The following CD300A variants were observed in gnomAD, a reference collection of about 807,000 sequenced individuals.
The protein encoded by CD300A is CD300a molecule, also known as CMRF35-like molecule 8.
A neutral mutation model predicts 33.6 loss-of-function variants in CD300A; 22 were observed. The ratio of observed to expected loss-of-function variants is 0.66; its 90% CI spans 0.47 to 0.94. The LOEUF (loss-of-function observed/expected upper bound fraction) is 0.94. Ranked by LOEUF, CD300A falls within the 40% of genes least tolerant of loss-of-function variation. The pLI is 0.00. For synonymous variants in CD300A, 136 were observed against 148.1 expected, an observed-to-expected ratio of 0.92 and a Z score of 0.59; for missense variants, 326 against 360.5, an observed-to-expected ratio of 0.90 and a Z score of 0.77.
intron 1 of CD300A, 151 bp from the exon 2 acceptor site, chr17:74,473,385 C>G: frequency 1.4e-6 from 1 of 703,206 alleles, no homozygotes; most frequent in South Asian, 1.8e-5. Context: ...GAGGTAGCCT[C>G]TCATCCTCAG....
intron 2 of CD300A, 39 bp from the exon 3 acceptor site, chr17:74,474,492 AG>A: frequency 3.1e-6 from 5 of 1,604,728 alleles, no homozygotes; most frequent in Non-Finnish European, 4.3e-6. Flanking sequence ...GGAGAGCCAG[AG>A]GACAGCTCCC....
intron 1 of CD300A, among the ~76,000 whole-genome samples, chr17:74,472,426 C>T (rs533458379): frequency 6.6e-6 from 1 of 152,264 alleles, no homozygotes; most frequent in Admixed American, 6.5e-5. Flanking sequence ...GCTTGGCAGC[C>T]AACACTAGCT....
intron 2 of CD300A, 21 bp from the exon 3 acceptor site, chr17:74,474,511 G>T: frequency 6.2e-7 from 1 of 1,613,116 alleles, no homozygotes; most frequent in South Asian, 1.1e-5. Flanking sequence ...CCCTGGGTCT[G>T]ACTTGTGGTT....
Position 74,480,530 on chromosome 17 carries a change from C to A in CD300A, c.629-759C>A, listed in dbSNP as rs923708549. On this transcript the variant is annotated intron_variant, in intron 4 of 6. Transcript: ENST00000360141. This position sits in a 1 kb window ranked among gnomAD's most constrained non-coding sequence, Gnocchi z 4.2. ...AGGCCTCCTTCCCTACGGCCTGGGG[C>A]AGCAGGCAGGTGGGCTGTCTGGGAG... Among the ~76,000 whole-genome samples the A allele has an allele frequency of 6.6e-6, 1 of 152,208 alleles. No individual in the cohort carries two copies. Among genetic ancestry groups the A allele is most frequent in the African/African-American group, 2.4e-5 (1 of 41,456 alleles).
chr17:74,469,495 CTTCT>C (rs1391285680), intron 1 of CD300A, among the ~76,000 whole-genome samples: 1 of 152,094 alleles, frequency 6.6e-6, no homozygotes, highest in Non-Finnish European at 1.5e-5. Context: ...ATATCTGCGT[CTTCT>C]TTATTTTTGG....
chr17:74,481,872 G>C, intron 6 of CD300A, 39 bp downstream of exon 6: 1 of 1,507,486 alleles, frequency 6.6e-7, no homozygotes, highest in Non-Finnish European at 9.1e-7. Flanking sequence ...TGCGGCCCCT[G>C]GGCTGTGCCA....
At chr17:74,466,970 C>T in intron 1 of CD300A, 1 of 1,409,340 alleles carries the variant, frequency 7.1e-7, no homozygotes, top group Non-Finnish European at 9.2e-7. Flanking sequence ...CTTGGCTGAA[C>T]CACAGCGGGG....
chr17:74,479,804 G>C lies in CD300A; in HGVS notation c.629-1485G>C, dbSNP rs572700835. 2.6e-5 allele frequency among the ~76,000 whole-genome samples: 4 copies of C among 151,914 alleles called. No individual in the cohort carries two copies. In the South Asian group the frequency reaches 8.3e-4, roughly 32 times the overall value. On this transcript the variant is annotated intron_variant, in intron 4 of 6. Transcript: ENST00000360141. ...GCTGGGGCTGACTTCCCCTTGCCCT[G>C]CCTGGAGCCTGACACCTGCCTCATC...
chr17:74,480,375 C>T lies in CD300A; in HGVS notation c.629-914C>T, dbSNP rs1348199422. Among the ~76,000 whole-genome samples, 1 of 152,166 alleles carries T rather than the reference C, an allele frequency of 6.6e-6. No individual in the cohort carries two copies. The highest frequency in any genetic ancestry group is 1.5e-5 in the Non-Finnish European group (1 of 68,016). Reference sequence around the variant, plus strand: ...CAGCAGCGTGTGTGTCACCCGCTGCCCACGTGGTCCGGGCTCCTGGGGTGA... The same window carrying T: ...CAGCAGCGTGTGTGTCACCCGCTGCTCACGTGGTCCGGGCTCCTGGGGTGA... On this transcript the variant is annotated intron_variant, in intron 4 of 6. Coordinates refer to ENST00000360141, the MANE Select transcript of CD300A (RefSeq NM_007261.4). This position sits in a 1 kb window ranked among gnomAD's most constrained non-coding sequence, Gnocchi z 4.2.
At chr17:74,470,578 G>A (rs544605723) in intron 1 of CD300A, among the ~76,000 whole-genome samples, 13 of 152,154 alleles carry the variant, frequency 8.5e-5, no homozygotes, top group Non-Finnish European at 1.2e-4. Flanking sequence ...CAGCCCAGGA[G>A]AGGCAGGGAA....
At chr17:74,466,788 G>A in intron 1 of CD300A, 45 bp downstream of exon 1, 1 of 1,564,678 alleles carries the variant, frequency 6.4e-7, no homozygotes, top group Non-Finnish European at 8.7e-7. Flanking sequence ...GGGAGGGAGG[G>A]TGCGAGGGGC....
At chr17:74,473,350 T>C (rs1409637523) in intron 1 of CD300A, among the ~76,000 whole-genome samples, 186 bp from the exon 2 acceptor site, 2 of 152,080 alleles carry the variant, frequency 1.3e-5, no homozygotes, top group African/African-American at 4.8e-5. Flanking sequence ...ATGGAAAGCC[T>C]CTGCCCCATT....
chr17:74,478,242 C>G (rs572777831), intron 4 of CD300A, among the ~76,000 whole-genome samples: 4 of 152,348 alleles, frequency 2.6e-5, no homozygotes, highest in Admixed American at 1.3e-4. Flanking sequence ...CAAAGAGTGG[C>G]TTGGGGCCCC....
intron 1 of CD300A, among the ~76,000 whole-genome samples, chr17:74,470,591 G>A (rs564430089): frequency 2.0e-5 from 3 of 152,086 alleles, no homozygotes; most frequent in Non-Finnish European, 2.9e-5. Flanking sequence ...GCAGGGAATC[G>A]GGTCAGGACA....
At chr17:74,481,948 AG>A in intron 6 of CD300A, 115 bp downstream of exon 6, 1 of 714,218 alleles carries the variant, frequency 1.4e-6, no homozygotes, top group South Asian at 1.7e-5. Context: ...TGTGCCTGTC[AG>A]GGACAGGGCC....
chr17:74,483,824 T>C (rs770129818), intron 6 of CD300A, among the ~76,000 whole-genome samples, 177 bp from the exon 7 acceptor site: 2 of 152,158 alleles, frequency 1.3e-5, no homozygotes, highest in African/African-American at 2.4e-5. Context: ...GCTTGCCCAG[T>C]TGGGGAGGAG....
upstream of CD300A, chr17:74,466,611 G>A: frequency 7.2e-7 from 1 of 1,386,416 alleles, no homozygotes. Context: ...ACCAAGAAAA[G>A]CAGAAGTCGG....
At chr17:74,477,396 G>A in intron 3 of CD300A, 40 bp from the exon 4 acceptor site, 1 of 1,340,816 alleles carries the variant, frequency 7.5e-7, no homozygotes, top group Non-Finnish European at 1.0e-6. Flanking sequence ...GTTGGAGAAG[G>A]CAAGTTGGCC....
At chr17:74,466,960 C>T (rs899985643) in intron 1 of CD300A, 6 of 1,415,920 alleles carry the variant, frequency 4.2e-6, no homozygotes, top group Admixed American at 5.7e-5. Flanking sequence ...ACCCACGTAC[C>T]TTGGCTGAAC....
Sources: gnomAD v4.1 joint callset for allele counts (sites outside exome capture counted in the v4.1 genomes callset) on GRCh38, gnomAD v4.1.1 for gene constraint, Gnocchi (gnomAD v3.1) non-coding constraint, MANE v1.5 for transcripts, NCBI Gene and HGNC (gene_info 2026-07-23, HGNC 2026-07-21) for gene names.